The following HAVCR1 variants were observed in gnomAD, a reference collection of about 807,000 sequenced individuals.
The protein encoded by HAVCR1 is hepatitis A virus cellular receptor 1.
Under a neutral mutation model 32.0 loss-of-function variants are expected in HAVCR1, and 34 were observed. The ratio of observed to expected loss-of-function variants is 1.06; its 90% CI spans 0.81 to 1.42. The LOEUF (loss-of-function observed/expected upper bound fraction) is 1.42. Ranked by LOEUF, HAVCR1 falls within the 40% of genes most tolerant of loss-of-function variation. HAVCR1 has a pLI of 0.00. For synonymous variants in HAVCR1, 178 were observed against 170.3 expected (o/e 1.05, Z -0.35); for missense variants, 420 against 442.3 (o/e 0.95, Z 0.45).
intron 5 of HAVCR1, among the ~76,000 whole-genome samples, chr5:157,044,213 T>A (rs1392004726): frequency 6.6e-6 from 1 of 151,642 alleles, no homozygotes; most frequent in African/African-American, 2.4e-5. Flanking sequence ...ACATCTGTAA[T>A]TCCAGCTACT....
intron 3 of HAVCR1, among the ~76,000 whole-genome samples, chr5:157,054,203 A>G (rs1430651407): frequency 6.6e-6 from 1 of 151,068 alleles, no homozygotes; most frequent in Admixed American, 6.6e-5. Flanking sequence ...AAAAAAAAAA[A>G]AAAAAAAAAA....
At chr5:157,058,201 A>C (rs968028609) in intron 1 of HAVCR1, 7 of 443,512 alleles carry the variant, frequency 1.6e-5, no homozygotes, top group African/African-American at 9.9e-5. Flanking sequence ...CTGACTTCCC[A>C]GCTTCTTCCC....
upstream of HAVCR1, among the ~76,000 whole-genome samples, chr5:157,060,450 A>G (rs1756456297): frequency 6.6e-6 from 1 of 151,588 alleles, no homozygotes; most frequent in Non-Finnish European, 1.5e-5. Flanking sequence ...TTTCCTTTTC[A>G]TTTTTATCCC....
chr5:157,058,222 C>A (rs944749683), intron 1 of HAVCR1: 4 of 388,328 alleles, frequency 1.0e-5, no homozygotes, highest in Non-Finnish European at 1.4e-5. Flanking sequence ...CACACATAAC[C>A]GCCAAACTGA....
chr5:157,044,603 GAAAGAAAGAAAGAGAAAGAA>G, intron 5 of HAVCR1, among the ~76,000 whole-genome samples: 1 of 77,350 alleles, frequency 1.3e-5, no homozygotes, highest in African/African-American at 6.8e-5. Context: ...AAGAAAGAAA[GAAAGAAAGAAAGAGAAAGAA>G]AGAAAGAAAG....
rs1298294703 is a variant in HAVCR1 at position 157,049,085 on chromosome 5, G to T, written c.734C>A (p.Ala245Glu). ...TGAGCTGGTGGGTTCTCTCCTTATT[G>T]CTCCCTGCAGTGTCGTAGGGTGGGT... ...AETHPTTLQG[A>E]IRREPTSSPL... is the part of the protein sequence containing the mutation. The change falls in exon 5 of 9, where the codon GCA becomes GAA. Residue 245 changes from alanine (A) to glutamate (E), a missense_variant. Coordinates refer to ENST00000523175, the MANE Select transcript of HAVCR1 (RefSeq NM_001173393.3). The T allele has an allele frequency of 6.2e-7, 1 of 1,612,724 alleles. No individual in the cohort carries two copies. The highest frequency in any genetic ancestry group is 1.3e-5 in the African/African-American group (1 of 74,874).
chr5:157,052,193 C>G (rs2279804), intron 4 of HAVCR1, among the ~76,000 whole-genome samples, 168 bp downstream of exon 4: 1 of 152,018 alleles, frequency 6.6e-6, no homozygotes, highest in Admixed American at 6.5e-5. Context: ...GTGCAAAAGA[C>G]GCATACAACT....
upstream of HAVCR1, among the ~76,000 whole-genome samples, chr5:157,061,703 C>CA (rs35095256): frequency 0.089 from 13,142 of 146,956 alleles, 1,454 homozygotes; most frequent in African/African-American, 0.27. Context: ...TGAGACTTCT[C>CA]AAAAAAAAAA....
Position 157,049,103 on chromosome 5 carries a change from G to C in HAVCR1, c.716C>G (p.Pro239Arg). The C allele has an allele frequency of 6.2e-7, 1 of 1,613,252 alleles. No homozygotes were observed. The highest frequency in any genetic ancestry group is 1.1e-5 in the South Asian group (1 of 91,068). ...PSSPQPAETHPTTLQGAIRRE... is the reference protein window; with the variant it reads ...PSSPQPAETHRTTLQGAIRRE... ...CCTTATTGCTCCCTGCAGTGTCGTA[G>C]GGTGGGTTTCTGCTGGCTGAGGTGA... The change falls in exon 5 of 9, where the codon CCT (proline) becomes CGT (arginine). Residue 239 changes from proline to arginine, a missense_variant. Physicochemically the swap from Pro to Arg is moderately radical, Grantham distance 103. Coordinates refer to ENST00000523175, the MANE Select transcript of HAVCR1 (RefSeq NM_001173393.3).
chr5:157,038,754 C>T (rs1475079632), intron 6 of HAVCR1, among the ~76,000 whole-genome samples: 1 of 152,098 alleles, frequency 6.6e-6, no homozygotes, highest in Non-Finnish European at 1.5e-5. Flanking sequence ...GCAGGCTTTG[C>T]TTTCATTTTT....
At chr5:157,044,599 GAAAGAAAGAAAGAAAGAGAA>G (rs1755199875) in intron 5 of HAVCR1, among the ~76,000 whole-genome samples, 2 of 78,704 alleles carry the variant, frequency 2.5e-5, no homozygotes, top group South Asian at 9.8e-4. Flanking sequence ...AAGAAAGAAA[GAAAGAAAGAAAGAAAGAGAA>G]AGAAAGAAAG....
In HAVCR1 at chr5:157,055,207, C is replaced by G. The variant is rs556857102; in HGVS notation, c.373G>C (p.Val125Leu). The part of the protein sequence containing the change: ...DMKITVSLEI[V>L]PPKVTTTPIV... The stretch of plus-strand genomic sequence containing the variant: ...ATATCAAAGAAAAACTTACGTGGCA[C>G]AATCTCCAATGATACGGTGATTTTC... The change falls in exon 3 of 9, where the codon GTG becomes CTG. Residue 125 changes from valine (V) to leucine (L), a missense_variant. By Grantham distance (32) the Val-to-Leu change is conservative. Transcript: ENST00000523175. 2.0e-6 allele frequency: 3 copies of G among 1,490,302 alleles called. No individual in the cohort carries two copies. In the African/African-American group the frequency reaches 4.2e-5, roughly 21 times the overall value. The allele number at this position is 1,490,302 out of a possible 1,614,324, so 92.3% of individuals were successfully genotyped here. A position where few individuals can be genotyped will look rare whatever the true frequency, so the allele number is the denominator to read the frequency against.
intron 7 of HAVCR1, among the ~76,000 whole-genome samples, chr5:157,033,463 G>A (rs545234237): frequency 1.3e-4 from 19 of 151,950 alleles, no homozygotes; most frequent in African/African-American, 4.6e-4. Flanking sequence ...TTTAGGAAAG[G>A]GCTTTCTCTG....
upstream of HAVCR1, among the ~76,000 whole-genome samples, chr5:157,060,396 G>A (rs1007631039): frequency 6.6e-6 from 1 of 152,086 alleles, no homozygotes; most frequent in Admixed American, 6.6e-5. Context: ...CTTTTCCGTG[G>A]CTGTGTTCTC....
At chr5:157,047,593 T>A (rs1158133478) in intron 5 of HAVCR1, among the ~76,000 whole-genome samples, 2 of 151,856 alleles carry the variant, frequency 1.3e-5, no homozygotes, top group Non-Finnish European at 2.9e-5. Flanking sequence ...TTTGAGAGCT[T>A]CCAGATAGTC....
At chr5:157,041,268 C>T (rs929328752) in intron 6 of HAVCR1, among the ~76,000 whole-genome samples, 1 of 152,034 alleles carries the variant, frequency 6.6e-6, no homozygotes, top group African/African-American at 2.4e-5. Flanking sequence ...GAGGCCAAGG[C>T]GGGAGGATCA....
upstream of HAVCR1, among the ~76,000 whole-genome samples, chr5:157,062,633 C>T (rs553416086): frequency 1.6e-4 from 24 of 152,254 alleles, no homozygotes; most frequent in African/African-American, 5.8e-4. Context: ...CCTCTATAAT[C>T]CAGACTTCTG....
At chr5:157,050,275 C>T (rs1755660449) in intron 4 of HAVCR1, among the ~76,000 whole-genome samples, 2 of 152,114 alleles carry the variant, frequency 1.3e-5, no homozygotes, top group African/African-American at 4.8e-5. Context: ...CAGTCTGTAC[C>T]CAATTGAGTT....
chr5:157,043,169 A>C (rs1255583713), intron 5 of HAVCR1, among the ~76,000 whole-genome samples: 1 of 152,222 alleles, frequency 6.6e-6, no homozygotes, highest in Non-Finnish European at 1.5e-5. Flanking sequence ...AATATCAAAA[A>C]CAGGTGGCAT....
Sources: gnomAD v4.1 joint callset for allele counts (sites outside exome capture counted in the v4.1 genomes callset) on GRCh38, gnomAD v4.1.1 for gene constraint, MANE v1.5 for transcripts, NCBI Gene and HGNC (gene_info 2026-07-23, HGNC 2026-07-21) for gene names.